The following MBD5 variants were observed in gnomAD, a reference collection of about 807,000 sequenced individuals.
MBD5 encodes methyl-CpG binding domain protein 5.
Under a neutral mutation model 117.3 loss-of-function variants are expected in MBD5, and 13 were observed. The ratio of observed to expected loss-of-function variants is 0.11; its 90% CI spans 0.07 to 0.18. MBD5 has a LOEUF of 0.18. MBD5 is among the 10% of genes least tolerant of loss of function. The probability of loss-of-function intolerance (pLI) is 1.00; values close to 1 mark genes in which losing one functional copy is unlikely to be tolerated. For synonymous variants in MBD5, 727 were observed against 766.4 expected, an observed-to-expected ratio of 0.95 and a Z score of 0.85; for missense variants, 1,879 against 2,093.8, an observed-to-expected ratio of 0.90 and a Z score of 2.00.
At chr2:148,144,528 T>C (rs909212713) in intron 1 of MBD5, among the ~76,000 whole-genome samples, 1 of 152,236 alleles carries the variant, frequency 6.6e-6, no homozygotes, top group Non-Finnish European at 1.5e-5. Flanking sequence ...TGCCCATGCC[T>C]ATGTCCTGAA....
chr2:148,246,833 A>G (rs1700349081), intron 3 of MBD5, among the ~76,000 whole-genome samples: 1 of 151,868 alleles, frequency 6.6e-6, no homozygotes, highest in South Asian at 2.1e-4. Context: ...TTTTTTTAAA[A>G]CTGCTATCTC....
At chr2:148,104,369 A>G (rs945166050) in intron 1 of MBD5, among the ~76,000 whole-genome samples, 1 of 152,180 alleles carries the variant, frequency 6.6e-6, no homozygotes, top group Non-Finnish European at 1.5e-5. Flanking sequence ...TTCATAGAAG[A>G]TGGTGTTTGC....
chr2:148,250,620 C>T (rs138976322), intron 3 of MBD5, among the ~76,000 whole-genome samples: 2 of 152,264 alleles, frequency 1.3e-5, no homozygotes, highest in African/African-American at 4.8e-5. Flanking sequence ...AGATAGTAAT[C>T]TTACCTTGTT....
intron 3 of MBD5, among the ~76,000 whole-genome samples, chr2:148,329,766 C>G (rs1277925621): frequency 6.6e-6 from 1 of 152,014 alleles, no homozygotes; most frequent in African/African-American, 2.4e-5. Flanking sequence ...TATGTATTCA[C>G]AAATAATATC....
intron 3 of MBD5, among the ~76,000 whole-genome samples, chr2:148,255,798 A>C (rs1700576042): frequency 6.6e-6 from 1 of 152,234 alleles, no homozygotes; most frequent in African/African-American, 2.4e-5. Flanking sequence ...TCAAGAGCCC[A>C]TTATATTGCC....
intron 4 of MBD5, among the ~76,000 whole-genome samples, chr2:148,376,788 AT>A (rs1704001306): frequency 7.3e-6 from 1 of 137,690 alleles, no homozygotes; most frequent in Non-Finnish European, 1.5e-5. Flanking sequence ...TATAATTTAT[AT>A]ATATAATTTT....
chr2:148,184,574 CT>C (rs893948768), intron 2 of MBD5, among the ~76,000 whole-genome samples: 31 of 152,150 alleles, frequency 2.0e-4, no homozygotes, highest in African/African-American at 6.8e-4. Context: ...TCCCTTATCT[CT>C]TTTAGTATGT....
intron 1 of MBD5, among the ~76,000 whole-genome samples, chr2:148,173,216 C>T (rs1698305530): frequency 6.6e-6 from 1 of 152,204 alleles, no homozygotes; most frequent in African/African-American, 2.4e-5. Flanking sequence ...TGAGCCAGTG[C>T]TGTGACACCC....
chr2:148,330,050 C>CCA lies in MBD5; in HGVS notation c.-679-12148_-679-12147dup, dbSNP rs1174482870. 6.6e-4 allele frequency among the ~76,000 whole-genome samples: 21 copies of CCA among 31,916 alleles called. 1 individual carries two copies. The highest frequency in any genetic ancestry group is 3.9e-4 in the African/African-American group (4 of 10,180). 20.9% of individuals were successfully genotyped at this position (31,916 alleles called of 152,430 possible). A position where few individuals can be genotyped will look rare whatever the true frequency, so the allele number is the denominator to read the frequency against. ...AGGTAAGAACCCCCCCCCGCCCCCCCCACACACACACACACACTGCCTAAA... is the reference window on the plus strand; with the variant it reads ...AGGTAAGAACCCCCCCCCGCCCCCCCCACACACACACACACACACTGCCTAAA... On this transcript the variant is annotated intron_variant, in intron 3 of 13. Coordinates refer to ENST00000642680, the MANE Select transcript of MBD5 (RefSeq NM_001378120.1).
intron 3 of MBD5, among the ~76,000 whole-genome samples, chr2:148,313,911 G>T (rs1702094122): frequency 6.6e-6 from 1 of 152,006 alleles, no homozygotes; most frequent in African/African-American, 2.4e-5. Context: ...CTGACCCCTT[G>T]TACTTCCTGG....
At chr2:148,307,750 T>C (rs1328967050) in intron 3 of MBD5, among the ~76,000 whole-genome samples, 1 of 152,138 alleles carries the variant, frequency 6.6e-6, no homozygotes, top group African/African-American at 2.4e-5. Flanking sequence ...CATCAACCCG[T>C]CATCTACATT....
At chr2:148,262,591 A>G (rs969782543) in intron 3 of MBD5, among the ~76,000 whole-genome samples, 8 of 152,162 alleles carry the variant, frequency 5.3e-5, no homozygotes, top group Admixed American at 2.0e-4. Context: ...AAATAGAAAG[A>G]AGGGAAAAAA....
chr2:148,415,704 A>C (rs1223374628), intron 4 of MBD5, among the ~76,000 whole-genome samples: 2 of 152,104 alleles, frequency 1.3e-5, no homozygotes, highest in African/African-American at 4.8e-5. Flanking sequence ...GTTATTTCGC[A>C]GAACCAGTCT....
chr2:148,050,273 G>C (rs1038837553), intron 1 of MBD5, among the ~76,000 whole-genome samples: 1 of 152,060 alleles, frequency 6.6e-6, no homozygotes, highest in African/African-American at 2.4e-5. Flanking sequence ...TGCCTTTACT[G>C]ATGGCTAACG....
At chr2:148,364,729 T>C (rs765282702) in intron 4 of MBD5, among the ~76,000 whole-genome samples, 9 of 151,500 alleles carry the variant, frequency 5.9e-5, no homozygotes, top group Admixed American at 1.3e-4. Flanking sequence ...CCAATAAAGA[T>C]CAAAAAAGAC....
chr2:148,212,732 G>A (rs1401347014), intron 2 of MBD5, among the ~76,000 whole-genome samples: 2 of 152,152 alleles, frequency 1.3e-5, no homozygotes, highest in African/African-American at 2.4e-5. Flanking sequence ...TTGAAATTAA[G>A]AAGGAAGAGG....
At chr2:148,182,519 A>G (rs903097039) in intron 2 of MBD5, among the ~76,000 whole-genome samples, 4 of 152,142 alleles carry the variant, frequency 2.6e-5, no homozygotes, top group African/African-American at 9.7e-5. Context: ...GTTTGGTTTT[A>G]TAATTAAGAT....
chr2:148,383,127 G>C (rs1027360678), intron 4 of MBD5, among the ~76,000 whole-genome samples: 7 of 152,050 alleles, frequency 4.6e-5, no homozygotes, highest in African/African-American at 1.7e-4. Flanking sequence ...GAAGGAAATA[G>C]AGACACAAAA....
chr2:148,486,442 G>A (rs1427884324), intron 10 of MBD5, among the ~76,000 whole-genome samples: 4 of 152,128 alleles, frequency 2.6e-5, no homozygotes, highest in Admixed American at 2.6e-4. Flanking sequence ...GGGTAGAGAA[G>A]GCTCTTTCAG....
Sources: allele counts gnomAD v4.1 joint callset (sites outside exome capture counted in the v4.1 genomes callset), GRCh38; gene constraint gnomAD v4.1.1; transcripts MANE v1.5; gene names NCBI Gene and HGNC (gene_info 2026-07-23, HGNC 2026-07-21).